The following MCC variants were observed in gnomAD, a reference collection of about 807,000 sequenced individuals.
The protein encoded by MCC is MCC regulator of Wnt signaling pathway.
A neutral mutation model predicts 116.2 loss-of-function variants in MCC; 90 were observed. The ratio of observed to expected loss-of-function variants is 0.77; its 90% confidence interval spans 0.65 to 0.92. The LOEUF is 0.92. MCC is among the 40% of genes least tolerant of loss of function. The pLI, the probability that MCC is intolerant of heterozygous loss-of-function variation, is 0.00. For missense variants in MCC, 1,516 were observed against 1,312.2 expected (o/e 1.16, Z -2.40); for synonymous variants, 578 against 510.5 (o/e 1.13, Z -1.78).
intron 12 of MCC, among the ~76,000 whole-genome samples, chr5:113,069,799 G>A (rs1042334515): frequency 6.6e-6 from 1 of 152,108 alleles, no homozygotes; most frequent in African/African-American, 2.4e-5. Context: ...TGTTAGCCAG[G>A]ATGATCTTGA....
At chr5:113,140,441 A>T (rs1477184133) in intron 5 of MCC, among the ~76,000 whole-genome samples, 1 of 152,196 alleles carries the variant, frequency 6.6e-6, no homozygotes, top group Non-Finnish European at 1.5e-5. Context: ...ACCAATGCTT[A>T]ATCTTCACTT....
intron 12 of MCC, 117 bp downstream of exon 12, chr5:113,070,977 C>G: frequency 8.5e-7 from 1 of 1,178,982 alleles, no homozygotes; most frequent in Non-Finnish European, 1.2e-6. Flanking sequence ...CCAGATATGC[C>G]TTGGTCCAAA....
intron 1 of MCC, among the ~76,000 whole-genome samples, chr5:113,385,860 T>C (rs1305355359): frequency 6.6e-6 from 1 of 152,162 alleles, no homozygotes; most frequent in African/African-American, 2.4e-5. Context: ...CTAGATTTAA[T>C]GTAAATGTGT....
At chr5:113,323,655 A>C (rs2150372060) in intron 3 of MCC, among the ~76,000 whole-genome samples, 1 of 152,328 alleles carries the variant, frequency 6.6e-6, no homozygotes, top group African/African-American at 2.4e-5. Context: ...GAAAAGTTTA[A>C]ATTATATTCT....
chr5:113,430,855 G>A (rs1770618473), intron 1 of MCC, among the ~76,000 whole-genome samples: 2 of 152,164 alleles, frequency 1.3e-5, no homozygotes, highest in Admixed American at 6.5e-5. Flanking sequence ...TGGGTTACAG[G>A]AATAAGCTTC....
At chr5:113,063,445 G>C (rs894424810) in intron 14 of MCC, among the ~76,000 whole-genome samples, 5 of 152,210 alleles carry the variant, frequency 3.3e-5, no homozygotes, top group African/African-American at 1.2e-4. Flanking sequence ...CTGAGTGCCT[G>C]TAAGCATGTG....
intron 16 of MCC, chr5:113,044,573 ATTTT>A: frequency 2.9e-6 from 2 of 699,286 alleles, no homozygotes; most frequent in Non-Finnish European, 3.5e-6. Context: ...GTAAACAGAT[ATTTT>A]TTTGTTTGTT....
rs184713541 is a variant in MCC at position 113,182,635 on chromosome 5, G to C, written c.628-31213C>G. ...AGCAAGCCTTCAAAAGCTACATGAA[G>C]ATACTCACAGGGAAATATTAATGCA... is the stretch of plus-strand genomic sequence containing the variant. On this transcript the variant is annotated intron_variant, in intron 3 of 18. Coordinates refer to ENST00000408903, the MANE Select transcript of MCC (RefSeq NM_001085377.2). 2.0e-5 allele frequency among the ~76,000 whole-genome samples: 3 copies of C among 152,192 alleles called. No individual in the cohort carries two copies. In the East Asian group the frequency reaches 5.8e-4, roughly 29 times the overall value.
rs187687793 is a variant in MCC, at chr5:113,135,820, G to C, written c.884+7398C>G. Among the ~76,000 whole-genome samples the C allele has an allele frequency of 3.3e-5, 5 of 152,226 alleles. No homozygotes were observed. The East Asian group carries it at 9.7e-4, about 30-fold the overall frequency. ...GCACTTTGGGAGGCCAAGGTGAGCA[G>C]ATCACCTGAGGCCAGGAGTTCGAGA... On this transcript the variant is annotated intron_variant, in intron 5 of 18. Coordinates refer to ENST00000408903, the MANE Select transcript of MCC (RefSeq NM_001085377.2).
At chr5:113,048,009 GGAGTCAA>G (rs1752225010) in intron 16 of MCC, among the ~76,000 whole-genome samples, 1 of 152,244 alleles carries the variant, frequency 6.6e-6, no homozygotes, top group Admixed American at 6.5e-5. Flanking sequence ...CCAGCAGGAA[GGAGTCAA>G]GGAGGAAATG....
rs183197451 is a variant in MCC, at chr5:113,480,272, A to C, written c.170+7973T>G. 7.4e-4 allele frequency among the ~76,000 whole-genome samples: 112 copies of C among 152,356 alleles called. 4 individuals are homozygous for C. The East Asian group carries it at 0.021, about 28-fold the overall frequency. On this transcript the variant is annotated intron_variant, in intron 1 of 18. Coordinates refer to ENST00000408903, the MANE Select transcript of MCC (RefSeq NM_001085377.2). ...ACGACTGAGCAAAGCGCCTGCAAGC[A>C]ATTTTAGGTCATACATTTCACTGAT... is the stretch of plus-strand genomic sequence containing the variant.
chr5:113,221,033 T>C (rs1195811689), intron 3 of MCC, among the ~76,000 whole-genome samples: 1 of 152,172 alleles, frequency 6.6e-6, no homozygotes, highest in African/African-American at 2.4e-5. Context: ...CAAAACCATG[T>C]CTCTACCAAA....
At chr5:113,476,896 C>T (rs993834986) in intron 1 of MCC, among the ~76,000 whole-genome samples, 13 of 152,098 alleles carry the variant, frequency 8.5e-5, no homozygotes, top group South Asian at 2.1e-4. Context: ...TTATGTAGTA[C>T]GTCAATTATA....
At chr5:113,337,065 G>A (rs987538403) in intron 3 of MCC, among the ~76,000 whole-genome samples, 2 of 152,110 alleles carry the variant, frequency 1.3e-5, no homozygotes, top group East Asian at 1.9e-4. Flanking sequence ...GTCAATAGAG[G>A]GTGCTGGAGG....
chr5:113,443,591 C>T (rs536911754), intron 1 of MCC, among the ~76,000 whole-genome samples: 1 of 152,234 alleles, frequency 6.6e-6, no homozygotes, highest in South Asian at 2.1e-4. Context: ...AAAGGGAATG[C>T]TTCCAGTTTT....
In MCC at chr5:113,027,160, G is replaced by C. The variant is rs1345257048; in HGVS notation, c.*142C>G. ...GGCCAGTCGCCCCAAGGGTTGAGTT[G>C]GGGCACTCCATTGTCCAAGTGCCGA... On this transcript the variant is annotated 3_prime_UTR_variant, in exon 19 of 19. Transcript: ENST00000408903. 4 of 776,452 alleles carry C rather than the reference G, an allele frequency of 5.2e-6. No individual in the cohort carries two copies. The highest frequency in any genetic ancestry group is 8.1e-6 in the Non-Finnish European group (4 of 493,030). The allele number at this position is 776,452 out of a possible 1,614,324, so 48.1% of individuals were successfully genotyped here. A position where few individuals can be genotyped will look rare whatever the true frequency, so the allele number is the denominator to read the frequency against.
chr5:113,438,841 T>C (rs772420884), intron 1 of MCC, among the ~76,000 whole-genome samples: 37 of 152,214 alleles, frequency 2.4e-4, no homozygotes, highest in Non-Finnish European at 4.7e-4. Context: ...TGTCATAATA[T>C]ATAAAATATG....
intron 4 of MCC, among the ~76,000 whole-genome samples, chr5:113,147,536 C>T (rs898061882): frequency 1.3e-5 from 2 of 152,188 alleles, no homozygotes; most frequent in Admixed American, 1.3e-4. Flanking sequence ...TGTTAACCCT[C>T]TCAACCATCC....
At chr5:113,186,786 T>C (rs1761915769) in intron 3 of MCC, among the ~76,000 whole-genome samples, 3 of 152,120 alleles carry the variant, frequency 2.0e-5, no homozygotes, top group Admixed American at 1.3e-4. Context: ...TTTCCTATCT[T>C]GCTTTATTTC....
Sources: gnomAD v4.1 joint callset for allele counts (sites outside exome capture counted in the v4.1 genomes callset) on GRCh38, gnomAD v4.1.1 for gene constraint, MANE v1.5 for transcripts, NCBI Gene and HGNC (gene_info 2026-07-23, HGNC 2026-07-21) for gene names.